Variants in AKT3 observed in about 807,000 individuals in gnomAD.
AKT3 encodes the protein AKT serine/threonine kinase 3, also known as RAC-gamma serine/threonine-protein kinase.
AKT3 carries 15 observed loss-of-function variants against 65.3 expected under a neutral mutation model. The ratio of observed to expected loss-of-function variants is 0.23; its 90% CI spans 0.15 to 0.35. AKT3 has a LOEUF of 0.35. AKT3 is among the 10% of genes least tolerant of loss of function. AKT3 has a pLI of 1.00. For missense variants in AKT3, 243 were observed against 576.5 expected (o/e 0.42, Z 5.92); for synonymous variants, 206 against 183.8 (o/e 1.12, Z -0.98).
chr1:243,592,435 A>G (rs1208586678), intron 8 of AKT3, among the ~76,000 whole-genome samples: 1 of 152,258 alleles, frequency 6.6e-6, no homozygotes, highest in African/African-American at 2.4e-5. Context: ...AATAGCTGAA[A>G]GGAAGTAATA....
chr1:243,832,686 G>T (rs1278491060), intron 2 of AKT3, among the ~76,000 whole-genome samples: 1 of 152,102 alleles, frequency 6.6e-6, no homozygotes, highest in African/African-American at 2.4e-5. Context: ...GAGTGGAATG[G>T]CTAGAACTCA....
chr1:243,576,703 C>G (rs967092285), intron 8 of AKT3, among the ~76,000 whole-genome samples: 1 of 152,160 alleles, frequency 6.6e-6, no homozygotes, highest in Non-Finnish European at 1.5e-5. Context: ...AAACTACAAA[C>G]TACGGCTCAA....
At chr1:243,583,064 T>G (rs1675493408) in intron 8 of AKT3, among the ~76,000 whole-genome samples, 1 of 149,676 alleles carries the variant, frequency 6.7e-6, no homozygotes, top group Non-Finnish European at 1.5e-5. Context: ...ACAAGAAGAC[T>G]TAACTATCAC....
chr1:243,573,124 C>T (rs539665913), intron 8 of AKT3, 76 bp from the exon 9 acceptor site: 1 of 1,503,744 alleles, frequency 6.7e-7, no homozygotes, highest in Admixed American at 1.8e-5. Context: ...ACATAAAACA[C>T]CTCTCATCAC....
intron 2 of AKT3, among the ~76,000 whole-genome samples, chr1:243,784,287 A>G (rs1691105734): frequency 6.6e-6 from 1 of 152,154 alleles, no homozygotes; most frequent in Non-Finnish European, 1.5e-5. Context: ...TTTGAGGAAC[A>G]GAAAGATGAA....
At chr1:243,588,135 G>A (rs901983652) in intron 8 of AKT3, among the ~76,000 whole-genome samples, 31 of 152,184 alleles carry the variant, frequency 2.0e-4, no homozygotes, top group African/African-American at 7.2e-4. Flanking sequence ...ATCAGATTTT[G>A]AGGATGATGA....
chr1:243,653,826 A>G (rs1681559375), intron 4 of AKT3, among the ~76,000 whole-genome samples: 1 of 152,220 alleles, frequency 6.6e-6, no homozygotes, highest in South Asian at 2.1e-4. Context: ...ATGGTAATAC[A>G]TTTAATTTGA....
intron 4 of AKT3, among the ~76,000 whole-genome samples, chr1:243,648,113 C>A (rs530836708): frequency 3.3e-5 from 5 of 152,058 alleles, no homozygotes; most frequent in South Asian, 2.1e-4. Flanking sequence ...CAAAAATTAG[C>A]TGGATGTGCT....
intron 2 of AKT3, among the ~76,000 whole-genome samples, chr1:243,792,693 G>C (rs892273699): frequency 6.6e-6 from 1 of 152,138 alleles, no homozygotes; most frequent in Non-Finnish European, 1.5e-5. Flanking sequence ...ATAAAGGTGA[G>C]AGCTTCATGT....
rs905816015 is a variant in AKT3, at chr1:243,613,852, G to A, written c.628-113C>T. ...GTAAGCATGAAAGATGAAAAGAATTGTTATTGTTTAAGAGTTTATTTACTA... is the reference window on the plus strand; with the variant it reads ...GTAAGCATGAAAGATGAAAAGAATTATTATTGTTTAAGAGTTTATTTACTA... On this transcript the variant is annotated intron_variant, in intron 7 of 13. Transcript: ENST00000673466. 4.9e-6 allele frequency: 3 copies of A among 608,436 alleles called. No individual in the cohort carries two copies. In the Admixed American group the frequency reaches 1.2e-4, roughly 24 times the overall value. 37.7% of individuals were successfully genotyped at this position (608,436 alleles called of 1,614,324 possible). A position where few individuals can be genotyped will look rare whatever the true frequency, so the allele number is the denominator to read the frequency against.
chr1:243,740,125 T>C (rs1446462552), intron 2 of AKT3, among the ~76,000 whole-genome samples: 1 of 152,200 alleles, frequency 6.6e-6, no homozygotes, highest in Non-Finnish European at 1.5e-5. Flanking sequence ...GCTCATTACA[T>C]GGTTTTACTA....
chr1:243,799,611 A>G (rs747439273), intron 2 of AKT3, among the ~76,000 whole-genome samples: 1 of 152,240 alleles, frequency 6.6e-6, no homozygotes, highest in Non-Finnish European at 1.5e-5. Flanking sequence ...GAAATGAGGT[A>G]GAAATAAAAA....
At chr1:243,793,332 C>G (rs906811801) in intron 2 of AKT3, 1 of 152,116 alleles carries the variant, frequency 6.6e-6, no homozygotes, top group Non-Finnish European at 1.5e-5. Context: ...AAGCAGTCCT[C>G]CCTCCTCAGC....
intron 2 of AKT3, among the ~76,000 whole-genome samples, chr1:243,704,336 A>G (rs1335762675): frequency 6.6e-6 from 1 of 152,142 alleles, no homozygotes; most frequent in African/African-American, 2.4e-5. Context: ...CCCAGCCCTC[A>G]TGGAGCTTTA....
intron 4 of AKT3, among the ~76,000 whole-genome samples, chr1:243,648,590 A>G (rs1681029772): frequency 6.6e-6 from 1 of 152,212 alleles, no homozygotes; most frequent in South Asian, 2.1e-4. Flanking sequence ...GTGGCCTTAT[A>G]AAATAAGTTG....
chr1:243,806,184 T>C (rs1467240196), intron 2 of AKT3, among the ~76,000 whole-genome samples: 4 of 152,292 alleles, frequency 2.6e-5, no homozygotes, highest in Middle Eastern at 3.4e-3. Flanking sequence ...CTCCCTTCTA[T>C]AGAACCATGG....
At chr1:243,827,408 G>A (rs887529361) in intron 2 of AKT3, among the ~76,000 whole-genome samples, 2 of 151,984 alleles carry the variant, frequency 1.3e-5, no homozygotes, top group East Asian at 1.9e-4. Context: ...TATAAAGATT[G>A]AGAAATTAAG....
At chr1:243,759,532 A>AAAAAG (rs2148238858) in intron 2 of AKT3, among the ~76,000 whole-genome samples, 1 of 151,972 alleles carries the variant, frequency 6.6e-6, no homozygotes, top group South Asian at 2.1e-4. Context: ...GGTAATGAAT[A>AAAAAG]ATATTATGAA....
intron 5 of AKT3, among the ~76,000 whole-genome samples, chr1:243,641,303 CAT>C (rs940928327): frequency 8.0e-5 from 12 of 149,938 alleles, no homozygotes; most frequent in African/African-American, 2.5e-4. Context: ...CACACACACA[CAT>C]ACATATATAC....
Sources: gnomAD v4.1 joint callset for allele counts (sites outside exome capture counted in the v4.1 genomes callset) on GRCh38, gnomAD v4.1.1 for gene constraint, MANE v1.5 for transcripts, NCBI Gene and HGNC (gene_info 2026-07-23, HGNC 2026-07-21) for gene names.